Variants in FNDC7 observed in about 807,000 individuals in gnomAD.
FNDC7 encodes fibronectin type III domain containing 7.
FNDC7 carries 66 observed loss-of-function variants against 74.2 expected under a neutral mutation model. The ratio of observed to expected loss-of-function variants is 0.89; its 90% confidence interval spans 0.73 to 1.09. The LOEUF (loss-of-function observed/expected upper bound fraction) is 1.09. Among genes scored for constraint, FNDC7 ranks in the 50% least tolerant of loss-of-function variants. The pLI is 0.00. For missense variants in FNDC7, 829 were observed against 893.4 expected, an observed-to-expected ratio of 0.93 and a Z score of 0.92; for synonymous variants, 307 against 330.2, an observed-to-expected ratio of 0.93 and a Z score of 0.76.
In FNDC7 at chr1:108,733,336, G is replaced by A; in HGVS notation, c.1944G>A (p.Trp648Ter). The A allele has an allele frequency of 6.2e-7, 1 of 1,614,160 alleles. No homozygotes were observed. The highest frequency in any genetic ancestry group is 2.2e-5 in the East Asian group (1 of 44,884). Residue 648 changes from tryptophan (W) to a stop codon, truncating the protein, a stop_gained, in exon 10 of 13, where the codon TGG becomes TGA. Coordinates refer to ENST00000370017, the MANE Select transcript of FNDC7 (RefSeq NM_001144937.3). LOFTEE classifies it high-confidence loss of function. Reference protein sequence around the residue: ...RLGPNGIRIYWQASRGSANYS... With the variant: ...RLGPNGIRIY ...GCCCTAATGGCATCCGGATCTACTG[G>A]CAAGCCTCCAGGGGCTCTGCCAATT...
chr1:108,715,133 A>G (rs936050430), intron 2 of FNDC7, among the ~76,000 whole-genome samples: 6 of 152,132 alleles, frequency 3.9e-5, no homozygotes, highest in African/African-American at 4.8e-5. Flanking sequence ...GCTACACTGT[A>G]TAGAAGGTTT....
chr1:108,727,706 G>A, intron 6 of FNDC7, 102 bp from the exon 7 acceptor site: 1 of 1,399,916 alleles, frequency 7.1e-7, no homozygotes, highest in Non-Finnish European at 9.9e-7. Context: ...CATCAGGGAG[G>A]GCAGTGGCAG....
chr1:108,719,452 G>C (rs1198969648), intron 4 of FNDC7, among the ~76,000 whole-genome samples: 2 of 152,214 alleles, frequency 1.3e-5, no homozygotes, highest in Non-Finnish European at 2.9e-5. Context: ...GTGAGTGTGT[G>C]CCAACTTTGA....
chr1:108,729,522 C>G (rs1354476867), intron 8 of FNDC7, among the ~76,000 whole-genome samples: 1 of 150,408 alleles, frequency 6.6e-6, no homozygotes, highest in Non-Finnish European at 1.5e-5. Flanking sequence ...GCACTTCAGC[C>G]TGGGCAATAG....
Position 108,730,826 on chromosome 1 carries a change from C to T in FNDC7, c.1777C>T (p.Leu593Phe). Residue 593 changes from leucine (L) to phenylalanine (F), a missense_variant, in exon 9 of 13, where the codon CTC (leucine) becomes TTC (phenylalanine). Leu to Phe is a conservative substitution (Grantham distance 22). Coordinates refer to ENST00000370017, the MANE Select transcript of FNDC7 (RefSeq NM_001144937.3). ...GTGTCACACTCATCAAAACCACTGC[C>T]TCCTAGGATGCATCACATGTGGCAT... ...SKCHTHQNHC[L>F]LGCITCGINY... 1 of 1,613,980 alleles carries T rather than the reference C, an allele frequency of 6.2e-7. No individual in the cohort carries two copies. The highest frequency in any genetic ancestry group is 1.1e-5 in the South Asian group (1 of 91,078).
Position 108,725,944 on chromosome 1 carries a change from G to C in FNDC7, c.1051G>C (p.Val351Leu), listed in dbSNP as rs1292609917. 6.2e-7 allele frequency: 1 copy of C among 1,614,068 alleles called. No homozygotes were observed. Among genetic ancestry groups the C allele is most frequent in the Non-Finnish European group, 8.5e-7 (1 of 1,179,990 alleles). Residue 351 changes from valine to leucine, a missense_variant, in exon 6 of 13, where the codon GTT (valine) becomes CTT (leucine). Transcript: ENST00000370017. The part of the protein sequence containing the change: ...SECGFTYFIS[V>L]FVYNKAGQSP... ...GTGTGGCTTCACTTATTTTATTAGT[G>C]TTTTTGTCTATAACAAGGCAGGGCA... is the stretch of plus-strand genomic sequence containing the variant.
intron 9 of FNDC7, 70 bp from the exon 10 acceptor site, chr1:108,733,202 A>G: frequency 6.4e-7 from 1 of 1,571,048 alleles, no homozygotes; most frequent in South Asian, 1.2e-5. Context: ...TCCCTGCAGT[A>G]ATCAAGGCCA....
At chr1:108,718,064 G>A in intron 3 of FNDC7, 33 bp downstream of exon 3, 1 of 1,545,652 alleles carries the variant, frequency 6.5e-7, no homozygotes, top group Non-Finnish European at 8.8e-7. Context: ...TCCGTTGAGT[G>A]TTTGCTTGTG....
chr1:108,728,607 C>G (rs781164247), intron 7 of FNDC7, 25 bp from the exon 8 acceptor site: 1 of 1,611,558 alleles, frequency 6.2e-7, no homozygotes, highest in East Asian at 2.2e-5. Flanking sequence ...CATGCTGGTT[C>G]AATTAATACT....
At chr1:108,723,560 T>C (rs1661142337) in intron 5 of FNDC7, among the ~76,000 whole-genome samples, 1 of 152,194 alleles carries the variant, frequency 6.6e-6, no homozygotes, top group African/African-American at 2.4e-5. Flanking sequence ...AGGTCAATGA[T>C]AACAAACTTG....
chr1:108,735,962 T>C (rs1490359731), intron 10 of FNDC7, among the ~76,000 whole-genome samples: 2 of 152,134 alleles, frequency 1.3e-5, no homozygotes, highest in South Asian at 2.1e-4. Context: ...TGCCCCACCA[T>C]GCTTGGCTAA....
chr1:108,721,789 T>C (rs1221011489), intron 4 of FNDC7, among the ~76,000 whole-genome samples: 1 of 152,160 alleles, frequency 6.6e-6, no homozygotes, highest in Non-Finnish European at 1.5e-5. Context: ...TGATAATGAA[T>C]GGAAAGAAAA....
chr1:108,721,425 C>A (rs1020732856), intron 4 of FNDC7, among the ~76,000 whole-genome samples: 1 of 152,030 alleles, frequency 6.6e-6, no homozygotes, highest in African/African-American at 2.4e-5. Context: ...GCCAAGATTG[C>A]GACACTGCAC....
chr1:108,738,107 G>T (rs571722001), intron 11 of FNDC7, among the ~76,000 whole-genome samples: 1 of 152,220 alleles, frequency 6.6e-6, no homozygotes, highest in African/African-American at 2.4e-5. Flanking sequence ...ATTTCCATAA[G>T]GTCCAGGTGA....
At chr1:108,714,610 T>TTTA (rs1660935293) in intron 2 of FNDC7, among the ~76,000 whole-genome samples, 2 of 144,042 alleles carry the variant, frequency 1.4e-5, no homozygotes, top group African/African-American at 5.1e-5. Context: ...GTGGCATTTT[T>TTTA]TTTTTTTTTT....
rs1661277945 is a variant in FNDC7, at chr1:108,728,865, T to C, written c.1603T>C (p.Tyr535His). ...ETQAGRSLPS[Y>H]SVPLETVPCC... ...ACAGGCAGGACGGAGCCTGCCCAGC[T>C]ACAGTGTGCCCCTGGAAACAGGTAT... Residue 535 changes from tyrosine (Y) to histidine (H), a missense_variant, in exon 8 of 13, where the codon TAC (tyrosine) becomes CAC (histidine). Tyr to His is a moderately conservative substitution (Grantham distance 83, BLOSUM62 2). Transcript: ENST00000370017. 1 of 1,614,136 alleles carries C rather than the reference T, an allele frequency of 6.2e-7. No individual in the cohort carries two copies. The highest frequency in any genetic ancestry group is 8.5e-7 in the Non-Finnish European group (1 of 1,180,008).
intron 9 of FNDC7, 90 bp from the exon 10 acceptor site, chr1:108,733,182 T>G (rs1661431114): frequency 6.7e-7 from 1 of 1,496,084 alleles, no homozygotes; most frequent in Non-Finnish European, 9.1e-7. Flanking sequence ...ACTAGTTTGC[T>G]TATATTTTTT....
In FNDC7 at chr1:108,737,518, G is replaced by T; in HGVS notation, c.2164G>T (p.Gly722Ter). ...YSVTCSGSTL[G>*]MVIYRGKRNE... is the part of the protein sequence containing the mutation. ...AGTAACTTGCTCTGGAAGTACACTT[G>T]GAATGGGTAAGTCATTTTTCTCATG... Residue 722 changes from glycine to a stop codon, truncating the protein, a stop_gained, in exon 11 of 13, where the codon GGA becomes TGA. Transcript: ENST00000370017. LOFTEE classifies it high-confidence loss of function. 6.3e-7 allele frequency: 1 copy of T among 1,591,572 alleles called. No individual in the cohort carries two copies. Among genetic ancestry groups the T allele is most frequent in the South Asian group, 1.2e-5 (1 of 86,126 alleles).
At chr1:108,719,790 G>GT (rs1661059004) in intron 4 of FNDC7, among the ~76,000 whole-genome samples, 1 of 151,670 alleles carries the variant, frequency 6.6e-6, no homozygotes, top group Non-Finnish European at 1.5e-5. Flanking sequence ...GAGAGGGGGT[G>GT]TTTTTTCTTT....
Sources: gnomAD v4.1 joint callset for allele counts (sites outside exome capture counted in the v4.1 genomes callset) on GRCh38, gnomAD v4.1.1 for gene constraint, MANE v1.5 for transcripts, NCBI Gene and HGNC (gene_info 2026-07-23, HGNC 2026-07-21) for gene names.